Variants in ATF7 observed in about 807,000 individuals in gnomAD.
ATF7 encodes activating transcription factor 7.
Under a neutral mutation model 50.4 loss-of-function variants are expected in ATF7, and 10 were observed. That is an observed-to-expected ratio of 0.20 (90% CI 0.12 to 0.34). ATF7 has a LOEUF of 0.34. Ranked by LOEUF, ATF7 falls within the 10% of genes least tolerant of loss-of-function variation. The probability of loss-of-function intolerance (pLI) is 1.00; values close to 1 mark genes in which losing one functional copy is unlikely to be tolerated. For synonymous variants in ATF7, 201 were observed against 226.4 expected, an observed-to-expected ratio of 0.89 and a Z score of 1.01; for missense variants, 465 against 613.9, an observed-to-expected ratio of 0.76 and a Z score of 2.56.
intron 2 of ATF7, among the ~76,000 whole-genome samples, chr12:53,598,243 G>A (rs1322854599): frequency 6.6e-6 from 1 of 152,152 alleles, no homozygotes; most frequent in Admixed American, 6.5e-5. Context: ...GGAGAAACTT[G>A]GAAGAGACTA....
intron 2 of ATF7, among the ~76,000 whole-genome samples, chr12:53,553,330 C>T (rs1218016581): frequency 6.6e-6 from 1 of 152,018 alleles, no homozygotes; most frequent in Non-Finnish European, 1.5e-5. Context: ...AAGGCCAGTA[C>T]AATGCTGATG....
At chr12:53,548,623 G>A (rs1235620971) in intron 3 of ATF7, among the ~76,000 whole-genome samples, 1 of 152,178 alleles carries the variant, frequency 6.6e-6, no homozygotes, top group African/African-American at 2.4e-5. Context: ...GTCAGCCAGA[G>A]TGCTCAGCTG....
downstream of ATF7, among the ~76,000 whole-genome samples, chr12:53,509,585 C>T (rs1944091038): frequency 6.6e-6 from 1 of 151,090 alleles, no homozygotes; most frequent in South Asian, 2.1e-4. Context: ...CTCACCGCAA[C>T]CCCTCTGCCT....
intron 3 of ATF7, among the ~76,000 whole-genome samples, chr12:53,549,811 C>T (rs1039964683): frequency 6.6e-6 from 1 of 152,048 alleles, no homozygotes; most frequent in African/African-American, 2.4e-5. Flanking sequence ...GTCTCGAACT[C>T]CTGATCTTGT....
intron 1 of ATF7, among the ~76,000 whole-genome samples, chr12:53,616,419 C>T (rs893657053): frequency 3.9e-4 from 60 of 152,038 alleles, no homozygotes; most frequent in African/African-American, 1.3e-3. Context: ...GATGGGGTCT[C>T]CCTGTGTTGC....
At chr12:53,532,233 AC>A in intron 8 of ATF7, among the ~76,000 whole-genome samples, 1 of 152,080 alleles carries the variant, frequency 6.6e-6, no homozygotes, top group African/African-American at 2.4e-5. Context: ...CCACTCGCCC[AC>A]CCTCCATCTG....
At chr12:53,602,746 A>C (rs1943453089) in intron 1 of ATF7, among the ~76,000 whole-genome samples, 1 of 152,210 alleles carries the variant, frequency 6.6e-6, no homozygotes, top group Non-Finnish European at 1.5e-5. Flanking sequence ...TGAGAGCTTC[A>C]TTCTTCTTCA....
At chr12:53,578,925 C>T (rs1350591849) in intron 2 of ATF7, among the ~76,000 whole-genome samples, 3 of 152,050 alleles carry the variant, frequency 2.0e-5, no homozygotes, top group Non-Finnish European at 2.9e-5. Flanking sequence ...TGGGAGCTTA[C>T]GAAGGCACCT....
At chr12:53,576,741 T>C (rs917093400) in intron 2 of ATF7, among the ~76,000 whole-genome samples, 3 of 151,912 alleles carry the variant, frequency 2.0e-5, no homozygotes, top group African/African-American at 4.8e-5. Context: ...ACGCTACAGA[T>C]AAAAAACACT....
At chr12:53,537,283 G>T in intron 5 of ATF7, 132 bp downstream of exon 5, 1 of 1,129,768 alleles carries the variant, frequency 8.9e-7, no homozygotes, top group East Asian at 2.7e-5. Context: ...TGCCCAGGCT[G>T]GTCTTGAATT....
chr12:53,622,276 T>C (rs1373205956), intron 1 of ATF7, among the ~76,000 whole-genome samples: 1 of 148,778 alleles, frequency 6.7e-6, no homozygotes, highest in Non-Finnish European at 1.5e-5. Flanking sequence ...CACTCCAGTC[T>C]GGGAAACACA....
rs558181769 is a variant in ATF7 at position 53,578,933 on chromosome 12, C to T, written c.48+22020G>A. 4.6e-5 allele frequency among the ~76,000 whole-genome samples: 7 copies of T among 152,146 alleles called. No homozygotes were observed. The South Asian group carries it at 1.5e-3, about 32-fold the overall frequency. On this transcript the variant is annotated intron_variant, in intron 2 of 11. Coordinates refer to ENST00000420353, the MANE Select transcript of ATF7 (RefSeq NM_006856.3). Reference sequence around the variant, plus strand: ...CCAAGCATGGGAGCTTACGAAGGCACCTGGTGGTTTCTAGGTAGGAAAACA... The same window carrying T: ...CCAAGCATGGGAGCTTACGAAGGCATCTGGTGGTTTCTAGGTAGGAAAACA...
intron 11 of ATF7, among the ~76,000 whole-genome samples, chr12:53,517,887 C>G (rs1451682522): frequency 6.6e-6 from 1 of 152,134 alleles, no homozygotes; most frequent in East Asian, 1.9e-4. Context: ...TTTCCTAAGA[C>G]TGAGTCTTGC....
intron 11 of ATF7, chr12:53,517,658 T>C (rs1937793655): frequency 5.3e-6 from 2 of 373,886 alleles, no homozygotes; most frequent in African/African-American, 2.0e-5. Flanking sequence ...CCAACTCTTA[T>C]TATTATTCAT....
intron 1 of ATF7, among the ~76,000 whole-genome samples, chr12:53,607,021 A>G (rs1366388351): frequency 6.6e-6 from 1 of 152,142 alleles, no homozygotes; most frequent in East Asian, 1.9e-4. Flanking sequence ...CGCTATAAAC[A>G]TACGTGTGCA....
At chr12:53,602,075 T>C (rs560515250) in intron 1 of ATF7, among the ~76,000 whole-genome samples, 8 of 152,224 alleles carry the variant, frequency 5.3e-5, no homozygotes, top group Admixed American at 4.6e-4. Flanking sequence ...TAAAAAACAA[T>C]TCCTAAAAGA....
At position 53,601,067 on chromosome 12, in the gene ATF7, A is replaced by G. The variant is rs912738318; in HGVS notation, c.-21-46T>C. 16 of 1,241,884 alleles carry G rather than the reference A, an allele frequency of 1.3e-5. No individual in the cohort carries two copies. The African/African-American group carries it at 2.0e-4, about 16-fold the overall frequency. 76.9% of individuals were successfully genotyped at this position (1,241,884 alleles called of 1,614,324 possible). A position where few individuals can be genotyped will look rare whatever the true frequency, so the allele number is the denominator to read the frequency against. ...GAAAAAGTTATGTTAAATATGCTGG[A>G]GCAAAAAAAAAAAAAAAGTGCTTCA... On this transcript the variant is annotated intron_variant, in intron 1 of 11. Coordinates refer to ENST00000420353, the MANE Select transcript of ATF7 (RefSeq NM_006856.3).
At chr12:53,555,210 T>G (rs1940648896) in intron 2 of ATF7, among the ~76,000 whole-genome samples, 1 of 151,428 alleles carries the variant, frequency 6.6e-6, no homozygotes, top group Non-Finnish European at 1.5e-5. Flanking sequence ...TCCTAGCTAC[T>G]CGGGGGGCTG....
At chr12:53,616,713 C>T (rs1389891436) in intron 1 of ATF7, among the ~76,000 whole-genome samples, 3 of 151,042 alleles carry the variant, frequency 2.0e-5, no homozygotes, top group Non-Finnish European at 2.9e-5. Context: ...AAGGCTGAGG[C>T]GGGTGGATTG....
Sources: gnomAD v4.1 joint callset for allele counts (sites outside exome capture counted in the v4.1 genomes callset) on GRCh38, gnomAD v4.1.1 for gene constraint, MANE v1.5 for transcripts, NCBI Gene and HGNC (gene_info 2026-07-23, HGNC 2026-07-21) for gene names.